Variants in SPATA17 observed in about 807,000 individuals in gnomAD.
The protein encoded by SPATA17 is spermatogenesis associated 17, also known as spermatogenesis-associated protein 17.
SPATA17 carries 53 observed loss-of-function variants against 62.2 expected under a neutral mutation model. The ratio of observed to expected loss-of-function variants is 0.85; its 90% CI spans 0.68 to 1.07. SPATA17 has a LOEUF of 1.07. SPATA17 is among the 50% of genes least tolerant of loss of function. The probability of loss-of-function intolerance (pLI) is 0.00; values close to 1 mark genes in which losing one functional copy is unlikely to be tolerated. For synonymous variants in SPATA17, 146 were observed against 146.8 expected, an observed-to-expected ratio of 0.99 and a Z score of 0.04; for missense variants, 466 against 425.5, an observed-to-expected ratio of 1.10 and a Z score of -0.84.
At chr1:217,850,275 C>G in intron 9 of SPATA17, 1 of 360,714 alleles carries the variant, frequency 2.8e-6, no homozygotes, top group South Asian at 4.8e-5. Flanking sequence ...GCAACAAAAC[C>G]TTTATTAACA....
At chr1:217,733,207 T>G (rs1672436593) in intron 5 of SPATA17, among the ~76,000 whole-genome samples, 1 of 152,218 alleles carries the variant, frequency 6.6e-6, no homozygotes, top group Admixed American at 6.5e-5. Flanking sequence ...CAAACTGTCT[T>G]GTCTATAGAG....
chr1:217,675,728 T>C (rs1244906348), intron 4 of SPATA17, among the ~76,000 whole-genome samples: 2 of 152,144 alleles, frequency 1.3e-5, no homozygotes, highest in African/African-American at 2.4e-5. Flanking sequence ...ACTAATTCTC[T>C]GAGGTATAGG....
At chr1:217,724,014 C>T (rs1672200305) in intron 5 of SPATA17, among the ~76,000 whole-genome samples, 2 of 152,174 alleles carry the variant, frequency 1.3e-5, no homozygotes, top group South Asian at 4.1e-4. Flanking sequence ...TTATACATTC[C>T]TCCACATGGA....
intron 5 of SPATA17, among the ~76,000 whole-genome samples, chr1:217,710,527 A>G (rs528584840): frequency 1.1e-4 from 17 of 152,304 alleles, no homozygotes; most frequent in African/African-American, 3.4e-4. Context: ...TTTGTTATTC[A>G]TCAAAATGAA....
At chr1:217,738,293 A>C (rs1440017983) in intron 5 of SPATA17, among the ~76,000 whole-genome samples, 1 of 152,184 alleles carries the variant, frequency 6.6e-6, no homozygotes, top group East Asian at 1.9e-4. Flanking sequence ...AGGAACTCAT[A>C]TTCCATGCTC....
chr1:217,849,834 C>A (rs1675607201), intron 9 of SPATA17, among the ~76,000 whole-genome samples: 1 of 152,128 alleles, frequency 6.6e-6, no homozygotes, highest in African/African-American at 2.4e-5. Context: ...CCCTGTGCAT[C>A]ATCTATGCCT....
chr1:217,666,779 T>C (rs1380719968), intron 3 of SPATA17, among the ~76,000 whole-genome samples: 2 of 152,180 alleles, frequency 1.3e-5, no homozygotes, highest in African/African-American at 4.8e-5. Flanking sequence ...AATTAGACTA[T>C]TCTAGTACCT....
chr1:217,775,988 A>G (rs577301526), intron 7 of SPATA17, among the ~76,000 whole-genome samples: 85 of 152,246 alleles, frequency 5.6e-4, no homozygotes, highest in African/African-American at 1.9e-3. Flanking sequence ...CTGGGAATAC[A>G]TGTATTATCA....
chr1:217,845,890 C>T (rs1675513598), intron 9 of SPATA17, among the ~76,000 whole-genome samples: 1 of 152,048 alleles, frequency 6.6e-6, no homozygotes, highest in Non-Finnish European at 1.5e-5. Flanking sequence ...CAATTTCCCC[C>T]CACTCTCCTC....
chr1:217,813,493 T>C (rs1674643850), intron 9 of SPATA17, among the ~76,000 whole-genome samples: 2 of 152,198 alleles, frequency 1.3e-5, no homozygotes, highest in South Asian at 4.1e-4. Flanking sequence ...TACATGCTGA[T>C]TGATGATTAT....
At chr1:217,789,046 T>TAAC (rs1673929790) in intron 8 of SPATA17, among the ~76,000 whole-genome samples, 2 of 152,200 alleles carry the variant, frequency 1.3e-5, no homozygotes, top group South Asian at 4.1e-4. Context: ...TAAAAAAATG[T>TAAC]AACAGTGACT....
chr1:217,829,456 C>T (rs1008815899), intron 9 of SPATA17, among the ~76,000 whole-genome samples: 2 of 150,982 alleles, frequency 1.3e-5, no homozygotes, highest in African/African-American at 2.4e-5. Flanking sequence ...GGTGAAACCC[C>T]GTCTCTACTA....
chr1:217,710,478 G>T (rs1454058134), intron 5 of SPATA17, among the ~76,000 whole-genome samples: 1 of 152,058 alleles, frequency 6.6e-6, no homozygotes, highest in African/African-American at 2.4e-5. Flanking sequence ...GTTGCTGATG[G>T]TTACTATCTC....
In SPATA17 at chr1:217,708,170, C is replaced by A. The variant is rs1020613305; in HGVS notation, c.395+24809C>A. On this transcript the variant is annotated intron_variant, in intron 5 of 10. Coordinates refer to ENST00000366933, the MANE Select transcript of SPATA17 (RefSeq NM_138796.4). The stretch of plus-strand genomic sequence containing the variant: ...ACTAGAGAAACAAGAACACATCAAC[C>A]CCAAAGATAGCAGAAGACAAGAAAT... Among the ~76,000 whole-genome samples the A allele has an allele frequency of 3.3e-4, 50 of 151,960 alleles. 1 individual carries two copies. Among genetic ancestry groups the A allele is most frequent in the Admixed American group, 3.3e-4 (5 of 15,258 alleles).
At chr1:217,689,245 A>G (rs572067956) in intron 5 of SPATA17, among the ~76,000 whole-genome samples, 23 of 20,310 alleles carry the variant, frequency 1.1e-3, no homozygotes, top group Non-Finnish European at 1.8e-3. Context: ...TTTTTTTTTG[A>G]GACAGAGTCT....
intron 4 of SPATA17, among the ~76,000 whole-genome samples, chr1:217,671,851 C>A (rs1237262975): frequency 6.6e-6 from 1 of 152,286 alleles, no homozygotes; most frequent in East Asian, 1.9e-4. Context: ...AGAGACATTT[C>A]TCTAACAAAG....
intron 8 of SPATA17, among the ~76,000 whole-genome samples, chr1:217,790,044 T>TA (rs1673962202): frequency 6.6e-6 from 1 of 151,958 alleles, no homozygotes; most frequent in Admixed American, 6.6e-5. Flanking sequence ...TCTCAAAATT[T>TA]AAAAAAGTAA....
intron 9 of SPATA17, among the ~76,000 whole-genome samples, chr1:217,815,493 C>A (rs983099711): frequency 2.0e-5 from 3 of 151,940 alleles, no homozygotes; most frequent in Non-Finnish European, 4.4e-5. Context: ...ATATCTTTGC[C>A]CTAAAGATTT....
chr1:217,806,318 C>T (rs1674434718), intron 9 of SPATA17, among the ~76,000 whole-genome samples: 1 of 152,128 alleles, frequency 6.6e-6, no homozygotes, highest in Non-Finnish European at 1.5e-5. Flanking sequence ...TAAGGGTGGG[C>T]CCTGCCCTAG....
Sources: allele counts gnomAD v4.1 joint callset (sites outside exome capture counted in the v4.1 genomes callset), GRCh38; gene constraint gnomAD v4.1.1; transcripts MANE v1.5; gene names NCBI Gene and HGNC (gene_info 2026-07-23, HGNC 2026-07-21).